PPP4R3B: variants seen among roughly 807,000 people sequenced by gnomAD.
PPP4R3B encodes protein phosphatase 4 regulatory subunit 3B.
In PPP4R3B, 52 loss-of-function variants were observed where a neutral mutation model predicts 95.4. That is an observed-to-expected ratio of 0.54 (90% CI 0.44 to 0.69). PPP4R3B has a LOEUF of 0.69. PPP4R3B is among the 30% of genes least tolerant of loss of function. PPP4R3B has a pLI of 0.00. For missense variants in PPP4R3B, 1,003 were observed against 1,005.9 expected (o/e 1.00, Z 0.04); for synonymous variants, 407 against 343.9 (o/e 1.18, Z -2.03).
At chr2:55,571,129 T>C (rs1294196552) in intron 12 of PPP4R3B, among the ~76,000 whole-genome samples, 2 of 151,992 alleles carry the variant, frequency 1.3e-5, no homozygotes, top group African/African-American at 4.8e-5. Flanking sequence ...GCCAACATGG[T>C]GAAACCCCAT....
chr2:55,598,033 C>T (rs760584648), intron 4 of PPP4R3B, among the ~76,000 whole-genome samples: 1 of 151,980 alleles, frequency 6.6e-6, no homozygotes, highest in Non-Finnish European at 1.5e-5. Context: ...GTCTGGGCAA[C>T]ACAGTGAAAC....
chr2:55,588,690 A>G (rs1246115174), intron 5 of PPP4R3B, among the ~76,000 whole-genome samples, 189 bp downstream of exon 5: 1 of 152,152 alleles, frequency 6.6e-6, no homozygotes, highest in African/African-American at 2.4e-5. Flanking sequence ...AAGTTTCTAA[A>G]ATACACAAAT....
chr2:55,556,398 A>C (rs1422533516), intron 16 of PPP4R3B, among the ~76,000 whole-genome samples: 1 of 152,206 alleles, frequency 6.6e-6, no homozygotes, highest in Admixed American at 6.5e-5. Context: ...GGATAATAAA[A>C]ACTCAGAGAA....
At position 55,617,262 on chromosome 2, in the gene PPP4R3B, C is replaced by T. The variant is rs1360485620; in HGVS notation, c.24G>A (p.Val8=). 6.2e-7 allele frequency: 1 copy of T among 1,601,760 alleles called. No individual in the cohort carries two copies. Among genetic ancestry groups the T allele is most frequent in the Admixed American group, 1.7e-5 (1 of 58,172 alleles). The stretch of plus-strand genomic sequence containing the variant: ...GGTCTTCGTTCAGGGTATAGACCTT[C>T]ACTCGCCGCCGCGTATCCGACATGG... The part of the protein sequence containing the change: MSDTRRR[V]KVYTLNEDRQ... The change falls in exon 1 of 17, where the codon GTG becomes GTA. Residue 8 remains valine (V), a synonymous_variant. Coordinates refer to ENST00000616407, the MANE Select transcript of PPP4R3B (RefSeq NM_001122964.3).
chr2:55,581,757 G>A lies in PPP4R3B; in HGVS notation c.1234-59C>T, dbSNP rs935327502. ...TCCATTAGACCTGGTTTAGATCTAA[G>A]ACAAAAACACCAACTGAAAGAGCAA... is the stretch of plus-strand genomic sequence containing the variant. On this transcript the variant is annotated intron_variant, in intron 7 of 16. Coordinates refer to ENST00000616407, the MANE Select transcript of PPP4R3B (RefSeq NM_001122964.3). The A allele has an allele frequency of 3.2e-6, 5 of 1,545,658 alleles. No homozygotes were observed. The South Asian group carries it at 4.8e-5, about 15-fold the overall frequency.
intron 2 of PPP4R3B, among the ~76,000 whole-genome samples, chr2:55,611,539 G>A (rs534662147): frequency 6.6e-6 from 1 of 152,304 alleles, no homozygotes; most frequent in South Asian, 2.1e-4. Flanking sequence ...AAAGTGATGT[G>A]AATCAATAAT....
intron 15 of PPP4R3B, among the ~76,000 whole-genome samples, chr2:55,559,848 G>A (rs747273930): frequency 1.1e-4 from 17 of 152,260 alleles, no homozygotes; most frequent in South Asian, 4.1e-4. Flanking sequence ...ATGGCAGGGC[G>A]CAGTGGCTCA....
chr2:55,610,360 T>C (rs1389807790), intron 2 of PPP4R3B, among the ~76,000 whole-genome samples: 1 of 152,196 alleles, frequency 6.6e-6, no homozygotes, highest in Non-Finnish European at 1.5e-5. Context: ...AGGCCCCTAC[T>C]CAAGAACCTG....
chr2:55,555,574 C>CAAAA (rs1685744503), intron 16 of PPP4R3B, among the ~76,000 whole-genome samples: 1 of 152,100 alleles, frequency 6.6e-6, no homozygotes, highest in Admixed American at 6.6e-5. Context: ...ATTAGCCAGG[C>CAAAA]ATGGTGTCGC....
intron 7 of PPP4R3B, 31 bp from the exon 8 acceptor site, chr2:55,581,729 G>A (rs1253278401): frequency 1.2e-6 from 2 of 1,601,738 alleles, no homozygotes; most frequent in Admixed American, 1.7e-5. Flanking sequence ...AACAAAACAT[G>A]TTTCCATTAG....
intron 2 of PPP4R3B, 53 bp from the exon 3 acceptor site, chr2:55,604,129 A>G (rs1693053583): frequency 3.6e-6 from 5 of 1,405,214 alleles, no homozygotes; most frequent in East Asian, 2.3e-5. Flanking sequence ...AGGTATCTAC[A>G]AAGTACAAAT....
At chr2:55,571,082 G>A (rs748401816) in intron 12 of PPP4R3B, among the ~76,000 whole-genome samples, 14 of 152,196 alleles carry the variant, frequency 9.2e-5, no homozygotes, top group Admixed American at 1.3e-4. Context: ...AGGCTGAGGA[G>A]GGTGGATCAT....
At position 55,568,269 on chromosome 2, in the gene PPP4R3B, A is replaced by G; in HGVS notation, c.1860T>C (p.Asn620=). 6.2e-7 allele frequency: 1 copy of G among 1,611,022 alleles called. No individual in the cohort carries two copies. The highest frequency in any genetic ancestry group is 8.5e-7 in the Non-Finnish European group (1 of 1,178,516). Residue 620 remains asparagine, a synonymous_variant, in exon 13 of 17, where the codon AAT becomes AAC. Transcript: ENST00000616407. ...TKGNLFEPVI[N]ALLDNGTRYN... ...ACCGAGTTCCATTATCCAGAAGTGC[A>G]TTTATAACTGGCTCAAAAAGATTTC...
chr2:55,609,950 T>C (rs1177624438), intron 2 of PPP4R3B, among the ~76,000 whole-genome samples: 3 of 152,122 alleles, frequency 2.0e-5, no homozygotes, highest in Non-Finnish European at 4.4e-5. Context: ...CTTCAATAAA[T>C]ACCTTTTGAA....
intron 2 of PPP4R3B, among the ~76,000 whole-genome samples, chr2:55,608,556 C>T (rs142691487): frequency 3.0e-4 from 45 of 152,324 alleles, no homozygotes; most frequent in Non-Finnish European, 5.3e-4. Context: ...CCAACATTAT[C>T]TTTTGCTTGG....
rs1161265581 is a variant in PPP4R3B at position 55,599,043 on chromosome 2, A to T, written c.298-4T>A. The T allele has an allele frequency of 6.3e-7, 1 of 1,591,416 alleles. No individual in the cohort carries two copies. Among genetic ancestry groups the T allele is most frequent in the Non-Finnish European group, 8.5e-7 (1 of 1,172,366 alleles). On this transcript the variant is annotated splice_polypyrimidine_tract_variant and splice_region_variant and intron_variant, in intron 3 of 16. Coordinates refer to ENST00000616407, the MANE Select transcript of PPP4R3B (RefSeq NM_001122964.3). ...CTGATGGGTCTTTACCTTGAACCTA[A>T]AAATATCCAAGTATACAGCTAATTA...
At chr2:55,614,857 ACTG>A (rs1471906807) in intron 2 of PPP4R3B, 2 of 152,338 alleles carry the variant, frequency 1.3e-5, no homozygotes, top group South Asian at 2.1e-4. Flanking sequence ...AGATTGAATC[ACTG>A]CTACCATTTT....
chr2:55,597,486 A>G (rs1019260988), intron 4 of PPP4R3B, among the ~76,000 whole-genome samples: 1 of 151,992 alleles, frequency 6.6e-6, no homozygotes, highest in Non-Finnish European at 1.5e-5. Flanking sequence ...GCTGGGCGTG[A>G]TGGCGGGCGC....
At chr2:55,609,616 C>T (rs7558345) in intron 2 of PPP4R3B, among the ~76,000 whole-genome samples, 37 of 149,184 alleles carry the variant, frequency 2.5e-4, no homozygotes, top group African/African-American at 8.7e-4. Flanking sequence ...TGCAGTAAGC[C>T]ATGATCACGC....
Sources: allele counts gnomAD v4.1 joint callset (sites outside exome capture counted in the v4.1 genomes callset), GRCh38; gene constraint gnomAD v4.1.1; transcripts MANE v1.5; gene names NCBI Gene and HGNC (gene_info 2026-07-23, HGNC 2026-07-21).